The following SYNPR variants were observed in gnomAD, a reference collection of about 807,000 sequenced individuals.
The protein encoded by SYNPR is synaptoporin.
A neutral mutation model predicts 32.9 loss-of-function variants in SYNPR; 23 were observed. The ratio of observed to expected loss-of-function variants is 0.70; its 90% confidence interval spans 0.50 to 0.99. The LOEUF (loss-of-function observed/expected upper bound fraction) is 0.99, where lower values mean the gene tolerates loss of function less well. Among genes scored for constraint, SYNPR ranks in the 50% least tolerant of loss-of-function variants. The pLI is 0.00. For synonymous variants in SYNPR, 146 were observed against 135.9 expected (o/e 1.07, Z -0.52); for missense variants, 318 against 349.3 (o/e 0.91, Z 0.71).
chr3:63,498,691 G>A (rs777013695), intron 3 of SYNPR, among the ~76,000 whole-genome samples: 1 of 152,106 alleles, frequency 6.6e-6, no homozygotes, highest in Non-Finnish European at 1.5e-5. Context: ...CTAGTGTGGC[G>A]AGACCACAGT....
chr3:63,503,607 C>A (rs1701526418), intron 3 of SYNPR, among the ~76,000 whole-genome samples: 1 of 152,052 alleles, frequency 6.6e-6, no homozygotes, highest in African/African-American at 2.4e-5. Flanking sequence ...TGTAGAAAGT[C>A]ACAGTTTTAA....
At chr3:63,509,194 T>C (rs1275628848) in intron 3 of SYNPR, among the ~76,000 whole-genome samples, 1 of 151,242 alleles carries the variant, frequency 6.6e-6, no homozygotes, top group Non-Finnish European at 1.5e-5. Context: ...CTGAAAGTTA[T>C]ATATATATGT....
At chr3:63,295,447 C>T (rs2086784538) in intron 2 of SYNPR, among the ~76,000 whole-genome samples, 1 of 152,116 alleles carries the variant, frequency 6.6e-6, no homozygotes, top group African/African-American at 2.4e-5. Context: ...CAAAAAAAGA[C>T]CCTCCGTGGT....
At chr3:63,556,101 A>G (rs185339287) in intron 3 of SYNPR, among the ~76,000 whole-genome samples, 129 of 152,320 alleles carry the variant, frequency 8.5e-4, no homozygotes, top group Non-Finnish European at 1.4e-3. Flanking sequence ...GTTTGTCATA[A>G]CTGAGAAACA....
chr3:63,394,104 T>C (rs1358955420), intron 2 of SYNPR, among the ~76,000 whole-genome samples: 4 of 152,162 alleles, frequency 2.6e-5, no homozygotes, highest in African/African-American at 4.8e-5. Context: ...TACCAGGTGG[T>C]AGCACTAATA....
At chr3:63,347,472 C>T (rs1394262151) in intron 2 of SYNPR, among the ~76,000 whole-genome samples, 5 of 152,100 alleles carry the variant, frequency 3.3e-5, no homozygotes, top group Non-Finnish European at 7.4e-5. Flanking sequence ...ATATGCCAAT[C>T]TTTGTTCTTT....
At chr3:63,203,100 A>ATAAATATATATATATATATATT in the SYNPR span, 1 of 122,590 alleles carries the variant, frequency 8.2e-6, no homozygotes, top group East Asian at 2.5e-4. Context: ...ATATATATAT[A>ATAAATATATATATATATATATT]TTTGCCACGT....
chr3:63,257,131 G>A lies in SYNPR; in HGVS notation n.154+4545G>A, dbSNP rs564851059. 1.6e-4 allele frequency among the ~76,000 whole-genome samples: 25 copies of A among 152,284 alleles called. No individual in the cohort carries two copies. The South Asian group carries it at 4.1e-3, about 25-fold the overall frequency. On this transcript the variant is annotated intron_variant and non_coding_transcript_variant, in intron 2 of 4. Coordinates refer to the SYNPR transcript ENST00000478456. ...AAAGTGATGAGGAGAATGGAACCAA[G>A]TTAAAACACTCTGCAGGATATTATC...
rs61299069 is a variant in SYNPR, at chr3:63,606,417, C to CTT, written c.409-2687_409-2686dup. Among the ~76,000 whole-genome samples the CTT allele has an allele frequency of 7.0e-4, 48 of 68,290 alleles. 5 individuals carry two copies. Among genetic ancestry groups the CTT allele is most frequent in the South Asian group, 4.2e-3 (6 of 1,436 alleles). 44.8% of individuals were successfully genotyped at this position (68,290 alleles called of 152,430 possible). A position where few individuals can be genotyped will look rare whatever the true frequency, so the allele number is the denominator to read the frequency against. Reference sequence around the variant, plus strand: ...AATTAAGCAGGACCTCAAATCCTTTCTTTTTTTTTTTTTTTTTTTTTTAGC... The same window carrying CTT: ...AATTAAGCAGGACCTCAAATCCTTTCTTTTTTTTTTTTTTTTTTTTTTTTAGC... On this transcript the variant is annotated intron_variant, in intron 4 of 5. Transcript: ENST00000478300.
the SYNPR span, among the ~76,000 whole-genome samples, chr3:63,221,546 A>G: frequency 2.0e-5 from 3 of 152,148 alleles, no homozygotes; most frequent in African/African-American, 4.8e-5. Context: ...TAGAAAGCGT[A>G]TATTTGGCCC....
chr3:63,339,093 G>T (rs2087331745), intron 2 of SYNPR, among the ~76,000 whole-genome samples: 1 of 152,130 alleles, frequency 6.6e-6, no homozygotes, highest in South Asian at 2.1e-4. Context: ...CTGATACACT[G>T]GTGCTTTGAT....
At chr3:63,364,555 G>A (rs2087707010) in intron 2 of SYNPR, among the ~76,000 whole-genome samples, 1 of 152,192 alleles carries the variant, frequency 6.6e-6, no homozygotes. Flanking sequence ...AGTTACCCAA[G>A]AGTAAAAGTA....
intron 3 of SYNPR, among the ~76,000 whole-genome samples, chr3:63,551,603 C>G (rs1039538125): frequency 6.6e-6 from 1 of 152,166 alleles, no homozygotes; most frequent in East Asian, 1.9e-4. Context: ...ATCTTATACT[C>G]TTTCTTTTTA....
At chr3:63,432,515 A>G (rs985031499) in intron 2 of SYNPR, among the ~76,000 whole-genome samples, 1 of 152,222 alleles carries the variant, frequency 6.6e-6, no homozygotes, top group Non-Finnish European at 1.5e-5. Flanking sequence ...GGAGGATTAA[A>G]TGAGTTAATT....
intron 4 of SYNPR, among the ~76,000 whole-genome samples, chr3:63,566,303 C>T (rs1702787912): frequency 6.6e-6 from 1 of 152,198 alleles, no homozygotes; most frequent in Non-Finnish European, 1.5e-5. Context: ...TAAAGAACAA[C>T]TATCCATAAT....
At chr3:63,521,905 C>G (rs1168044341) in intron 3 of SYNPR, among the ~76,000 whole-genome samples, 1 of 152,162 alleles carries the variant, frequency 6.6e-6, no homozygotes, top group Admixed American at 6.5e-5. Context: ...AGCCCTCCTG[C>G]CAGTGCTTCC....
intron 4 of SYNPR, among the ~76,000 whole-genome samples, chr3:63,563,636 C>T (rs892426015): frequency 2.6e-5 from 4 of 151,976 alleles, no homozygotes; most frequent in African/African-American, 4.8e-5. Flanking sequence ...CATTTCATGT[C>T]TATTTTATTT....
intron 3 of SYNPR, among the ~76,000 whole-genome samples, chr3:63,482,592 G>A (rs1157063465): frequency 6.6e-6 from 1 of 152,098 alleles, no homozygotes; most frequent in Non-Finnish European, 1.5e-5. Context: ...CACTGTTCTA[G>A]GATTTAGCAA....
chr3:63,490,665 G>A (rs1434759213), intron 3 of SYNPR, among the ~76,000 whole-genome samples: 1 of 152,110 alleles, frequency 6.6e-6, no homozygotes, highest in Non-Finnish European at 1.5e-5. Flanking sequence ...GTTGAGTAGT[G>A]TTGGACAGTC....
Sources: allele counts gnomAD v4.1 joint callset (sites outside exome capture counted in the v4.1 genomes callset), GRCh38; gene constraint gnomAD v4.1.1; transcripts MANE v1.5; gene names NCBI Gene and HGNC (gene_info 2026-07-23, HGNC 2026-07-21).